LAMA2: variants seen among roughly 807,000 people sequenced by gnomAD.
LAMA2 encodes the protein laminin subunit alpha-2.
A neutral mutation model predicts 364.8 loss-of-function variants in LAMA2; 269 were observed. The ratio of observed to expected loss-of-function variants is 0.74; its 90% CI spans 0.67 to 0.82. The LOEUF is 0.82. Ranked by LOEUF, LAMA2 falls within the 40% of genes least tolerant of loss-of-function variation. The probability of loss-of-function intolerance (pLI) is 0.00; values close to 1 mark genes in which losing one functional copy is unlikely to be tolerated. For missense variants in LAMA2, 3,807 were observed against 3,873.2 expected, an observed-to-expected ratio of 0.98 and a Z score of 0.45; for synonymous variants, 1,379 against 1,370.6, an observed-to-expected ratio of 1.01 and a Z score of -0.14.
intron 1 of LAMA2, among the ~76,000 whole-genome samples, chr6:129,048,536 C>T (rs145261144): frequency 0.17 from 12,628 of 73,672 alleles, 1,162 homozygotes; most frequent in African/African-American, 0.27. Context: ...TTCCTTCCTT[C>T]CTTCCTTTCT....
At chr6:128,965,069 C>T (rs958771813) in intron 1 of LAMA2, among the ~76,000 whole-genome samples, 1 of 151,920 alleles carries the variant, frequency 6.6e-6, no homozygotes, top group African/African-American at 2.4e-5. Context: ...TGAAGTTCAG[C>T]AGTAGCACAA....
chr6:129,166,062 G>C (rs1408215432), intron 9 of LAMA2, among the ~76,000 whole-genome samples: 1 of 152,184 alleles, frequency 6.6e-6, no homozygotes, highest in Non-Finnish European at 1.5e-5. Flanking sequence ...ACTGAGGAAT[G>C]TGTGTGCTGT....
intron 3 of LAMA2, among the ~76,000 whole-genome samples, chr6:129,073,132 C>T (rs2114822421): frequency 6.6e-6 from 1 of 152,112 alleles, no homozygotes; most frequent in South Asian, 2.1e-4. Flanking sequence ...AGTAGAATTT[C>T]TTGCCTGGTT....
intron 1 of LAMA2, among the ~76,000 whole-genome samples, chr6:129,048,432 C>A (rs1164095330): frequency 2.0e-5 from 3 of 150,108 alleles, no homozygotes; most frequent in Non-Finnish European, 4.5e-5. Context: ...AGGAAGGTTT[C>A]TTTTTTCTTT....
intron 1 of LAMA2, among the ~76,000 whole-genome samples, chr6:128,885,287 G>A (rs147655191): frequency 6.6e-5 from 10 of 152,130 alleles, no homozygotes; most frequent in African/African-American, 2.4e-4. Flanking sequence ...CTTTAAAATT[G>A]GATAGTGATT....
At chr6:129,015,390 C>T (rs1160453355) in intron 1 of LAMA2, among the ~76,000 whole-genome samples, 2 of 152,056 alleles carry the variant, frequency 1.3e-5, no homozygotes, top group African/African-American at 4.8e-5. Context: ...GATACAGCAT[C>T]AACCTCTCCT....
In LAMA2 at chr6:129,031,400, G is replaced by C. The variant is rs183875410; in HGVS notation, c.113-18518G>C. 1.1e-3 allele frequency among the ~76,000 whole-genome samples: 162 copies of C among 152,132 alleles called. 3 individuals are homozygous for C. The highest frequency in any genetic ancestry group is 2.2e-4 in the Non-Finnish European group (15 of 67,986). On this transcript the variant is annotated intron_variant, in intron 1 of 64. Transcript: ENST00000421865. ...TAGAGAAATTCCAGAAGCTGGGGGT[G>C]GGGGGAATAGACTGGATATTGCAAA...
In LAMA2 at chr6:129,440,565, A is replaced by G. The variant is rs139301555; in HGVS notation, c.6086-251A>G. On this transcript the variant is annotated intron_variant, in intron 42 of 64. Transcript: ENST00000421865. Reference sequence around the variant, plus strand: ...GCAAATCACAATATGATCTTATACAATGAACATTTAGAATAGTCACGTCAC... The same window carrying G: ...GCAAATCACAATATGATCTTATACAGTGAACATTTAGAATAGTCACGTCAC... 3.8e-3 allele frequency among the ~76,000 whole-genome samples: 572 copies of G among 152,280 alleles called. 6 individuals carry two copies. Among genetic ancestry groups the G allele is most frequent in the African/African-American group, 0.013 (555 of 41,564 alleles).
intron 32 of LAMA2, among the ~76,000 whole-genome samples, chr6:129,355,687 T>C (rs1242135792): frequency 6.6e-6 from 1 of 152,152 alleles, no homozygotes; most frequent in Non-Finnish European, 1.5e-5. Flanking sequence ...GTTGTTAGTA[T>C]AGTACTGACT....
At chr6:129,119,571 G>A (rs977122923) in intron 4 of LAMA2, among the ~76,000 whole-genome samples, 11 of 151,000 alleles carry the variant, frequency 7.3e-5, no homozygotes, top group African/African-American at 1.9e-4. Flanking sequence ...TTTTTGAGAC[G>A]GAGTCTCGAT....
At chr6:129,110,932 G>C (rs1776122993) in intron 4 of LAMA2, among the ~76,000 whole-genome samples, 1 of 151,960 alleles carries the variant, frequency 6.6e-6, no homozygotes, top group Non-Finnish European at 1.5e-5. Context: ...TAACAGGAAA[G>C]ATAATGTACT....
chr6:129,085,141 A>G (rs1325070322), intron 3 of LAMA2, among the ~76,000 whole-genome samples: 1 of 152,178 alleles, frequency 6.6e-6, no homozygotes, highest in Non-Finnish European at 1.5e-5. Flanking sequence ...TTTCCTAAAG[A>G]TATGTTGTTT....
At chr6:129,164,898 C>T (rs915706954) in intron 8 of LAMA2, among the ~76,000 whole-genome samples, 16 of 152,082 alleles carry the variant, frequency 1.1e-4, no homozygotes, top group Non-Finnish European at 2.2e-4. Flanking sequence ...TTAGATTTTT[C>T]CACTTAATGA....
chr6:129,313,368 A>T lies in LAMA2; in HGVS notation c.3411+271A>T, dbSNP rs150423463. 3.3e-4 allele frequency among the ~76,000 whole-genome samples: 51 copies of T among 152,284 alleles called. No homozygotes were observed. The East Asian group carries it at 4.2e-3, about 13-fold the overall frequency. On this transcript the variant is annotated intron_variant, in intron 23 of 64. Transcript: ENST00000421865. ...ATTTTCAATGGTATAGTGATTTTTT[A>T]AAAAATATATTAGATTTGCTTCGAT...
rs538291162 is a variant in LAMA2, at chr6:129,510,650, CA to C, written c.8858-1706del. ...GAAGGCAAGTAAAAATGATTAAAGA[CA>C]AAAAAAGCACAGTTCTGTAGATACT... On this transcript the variant is annotated intron_variant, in intron 62 of 64. Transcript: ENST00000421865. 2.7e-4 allele frequency among the ~76,000 whole-genome samples: 41 copies of C among 151,716 alleles called. 1 individual carries two copies. In the South Asian group the frequency reaches 8.6e-3, roughly 32 times the overall value.
chr6:129,174,177 C>T (rs538347693), intron 9 of LAMA2, among the ~76,000 whole-genome samples: 1 of 151,942 alleles, frequency 6.6e-6, no homozygotes, highest in Admixed American at 6.5e-5. Context: ...TCTCATCTAT[C>T]CCAAGATTAG....
intron 29 of LAMA2, among the ~76,000 whole-genome samples, chr6:129,340,787 G>T (rs936424028): frequency 7.7e-6 from 1 of 130,634 alleles, no homozygotes; most frequent in Non-Finnish European, 1.5e-5. Flanking sequence ...AGTGAGCCAA[G>T]ATGGTGCCAC....
At chr6:128,959,980 C>T (rs1017869639) in intron 1 of LAMA2, among the ~76,000 whole-genome samples, 3 of 151,874 alleles carry the variant, frequency 2.0e-5, no homozygotes, top group Non-Finnish European at 4.4e-5. Flanking sequence ...AAGTGCCTGG[C>T]GCATGTTAGA....
intron 1 of LAMA2, among the ~76,000 whole-genome samples, chr6:128,904,116 A>G (rs1777263034): frequency 6.6e-6 from 1 of 152,192 alleles, no homozygotes; most frequent in South Asian, 2.1e-4. Context: ...GATAGGAGGA[A>G]CATTTCAAAT....
Sources: gnomAD v4.1 joint callset for allele counts (sites outside exome capture counted in the v4.1 genomes callset) on GRCh38, gnomAD v4.1.1 for gene constraint, MANE v1.5 for transcripts, NCBI Gene and HGNC (gene_info 2026-07-23, HGNC 2026-07-21) for gene names.